MEGF9: variants seen among roughly 807,000 people sequenced by gnomAD.
The protein encoded by MEGF9 is multiple EGF like domains 9.
In MEGF9, 6 loss-of-function variants were observed where a neutral mutation model predicts 46.8. The observed-to-expected ratio is 0.13, with a 90% CI of 0.07 to 0.25. MEGF9 has a LOEUF of 0.25. MEGF9 is among the 10% of genes least tolerant of loss of function. The pLI is 1.00. For synonymous variants in MEGF9, 302 were observed against 330.7 expected, an observed-to-expected ratio of 0.91 and a Z score of 0.94; for missense variants, 683 against 792.4, an observed-to-expected ratio of 0.86 and a Z score of 1.66.
intron 2 of MEGF9, among the ~76,000 whole-genome samples, chr9:120,629,508 C>T (rs1438176977): frequency 6.6e-6 from 1 of 152,124 alleles, no homozygotes; most frequent in South Asian, 2.1e-4. Context: ...CATGGTGGCA[C>T]ACGGCTGTAA....
intron 2 of MEGF9, among the ~76,000 whole-genome samples, chr9:120,636,720 C>T (rs1276583877): frequency 2.0e-5 from 3 of 152,140 alleles, no homozygotes; most frequent in African/African-American, 4.8e-5. Context: ...TGCCCAGCCG[C>T]GACCCCGTCT....
intron 1 of MEGF9, among the ~76,000 whole-genome samples, chr9:120,666,884 C>G (rs2043727487): frequency 6.6e-6 from 1 of 151,848 alleles, no homozygotes; most frequent in African/African-American, 2.4e-5. Flanking sequence ...ATGAAAGGAG[C>G]CAGGGGAAGA....
At chr9:120,620,509 A>G (rs747598689) in intron 3 of MEGF9, among the ~76,000 whole-genome samples, 4 of 152,206 alleles carry the variant, frequency 2.6e-5, no homozygotes, top group African/African-American at 4.8e-5. Flanking sequence ...ATACAATTAC[A>G]AACTGTGAAA....
intron 1 of MEGF9, among the ~76,000 whole-genome samples, chr9:120,690,282 A>C (rs928650650): frequency 2.0e-5 from 3 of 152,178 alleles, no homozygotes; most frequent in Non-Finnish European, 2.9e-5. Context: ...TATTTTGTTG[A>C]CAAAACCAAA....
At chr9:120,687,310 T>C (rs989591698) in intron 1 of MEGF9, among the ~76,000 whole-genome samples, 1 of 152,204 alleles carries the variant, frequency 6.6e-6, no homozygotes, top group African/African-American at 2.4e-5. Context: ...CAGGCCCACC[T>C]GAGAACAACT....
chr9:120,653,419 T>C (rs1215952425), intron 2 of MEGF9, among the ~76,000 whole-genome samples: 1 of 151,702 alleles, frequency 6.6e-6, no homozygotes, highest in East Asian at 1.9e-4. Context: ...TTGCCCAGGC[T>C]GGAGTGTAAT....
intron 3 of MEGF9, among the ~76,000 whole-genome samples, chr9:120,618,237 C>G (rs966093407): frequency 6.6e-6 from 1 of 152,186 alleles, no homozygotes; most frequent in Non-Finnish European, 1.5e-5. Flanking sequence ...TTGACAAGCT[C>G]TGAGCCCTGA....
chr9:120,607,889 G>C lies in MEGF9; in HGVS notation c.1209C>G (p.His403Gln). ...FDSICRKCQC[H>Q]GHVDPVKTPK... ...GAGTTTTAACTGGGTCCACATGGCC[G>C]TGACATTGGCACTTTCTACAGATGC... The change falls in exon 5 of 6, where the codon CAC becomes CAG. Residue 403 changes from histidine to glutamine, a missense_variant. Coordinates refer to ENST00000373930, the MANE Select transcript of MEGF9 (RefSeq NM_001080497.3). 1 of 1,613,968 alleles carries C rather than the reference G, an allele frequency of 6.2e-7. No homozygotes were observed. The highest frequency in any genetic ancestry group is 8.5e-7 in the Non-Finnish European group (1 of 1,179,880).
intron 1 of MEGF9, among the ~76,000 whole-genome samples, chr9:120,660,258 A>C (rs2043696251): frequency 6.6e-6 from 1 of 151,936 alleles, no homozygotes; most frequent in African/African-American, 2.4e-5. Flanking sequence ...TTAATTTTTA[A>C]TTTTTGTGAG....
At chr9:120,679,406 T>A (rs537437734) in intron 1 of MEGF9, among the ~76,000 whole-genome samples, 1 of 145,516 alleles carries the variant, frequency 6.9e-6, no homozygotes, top group Non-Finnish European at 1.5e-5. Context: ...TTCTCACTCA[T>A]ATGTGGGAAT....
At chr9:120,694,435 T>C (rs2043865534) in intron 1 of MEGF9, among the ~76,000 whole-genome samples, 1 of 152,246 alleles carries the variant, frequency 6.6e-6, no homozygotes, top group Non-Finnish European at 1.5e-5. Flanking sequence ...GTTTTCAATA[T>C]GCAATAAAAA....
At chr9:120,646,491 T>C (rs2043626920) in intron 2 of MEGF9, among the ~76,000 whole-genome samples, 1 of 152,182 alleles carries the variant, frequency 6.6e-6, no homozygotes, top group African/African-American at 2.4e-5. Flanking sequence ...TGTAAAGTCC[T>C]TTCTCATCTT....
At chr9:120,645,641 A>C (rs563203336) in intron 2 of MEGF9, among the ~76,000 whole-genome samples, 1 of 152,332 alleles carries the variant, frequency 6.6e-6, no homozygotes, top group Admixed American at 6.5e-5. Context: ...ACTTGACTTT[A>C]TGCTATTTAG....
chr9:120,663,226 T>G (rs1222615711), intron 1 of MEGF9, among the ~76,000 whole-genome samples: 1 of 152,212 alleles, frequency 6.6e-6, no homozygotes, highest in Non-Finnish European at 1.5e-5. Context: ...AGCATGGGCA[T>G]CTTTTCTGTG....
chr9:120,655,794 G>A (rs2043673978), intron 2 of MEGF9, among the ~76,000 whole-genome samples: 2 of 152,094 alleles, frequency 1.3e-5, no homozygotes, highest in African/African-American at 4.8e-5. Context: ...CATTCCTAAG[G>A]TTAACAGTGG....
chr9:120,713,642 C>G (rs984402772), intron 1 of MEGF9, 116 bp downstream of exon 1: 115 of 1,227,324 alleles, frequency 9.4e-5, no homozygotes, highest in Non-Finnish European at 1.1e-4. Flanking sequence ...CCTCGGGAGC[C>G]GGAACCTGGG....
intron 1 of MEGF9, among the ~76,000 whole-genome samples, chr9:120,681,235 T>C (rs2043797552): frequency 6.6e-6 from 1 of 152,170 alleles, no homozygotes. Flanking sequence ...GGCTCTTTAG[T>C]CAGTAGGTGA....
At chr9:120,642,882 C>T (rs1200894646) in intron 2 of MEGF9, among the ~76,000 whole-genome samples, 1 of 152,192 alleles carries the variant, frequency 6.6e-6, no homozygotes, top group African/African-American at 2.4e-5. Context: ...GCCTATGTTC[C>T]TTCTGTAGTG....
chr9:120,659,637 G>T, intron 1 of MEGF9, 62 bp from the exon 2 acceptor site: 2 of 1,252,236 alleles, frequency 1.6e-6, no homozygotes, highest in South Asian at 2.9e-5. Context: ...TTAATAAAAT[G>T]AACTCTATTT....
Sources: gnomAD v4.1 joint callset for allele counts (sites outside exome capture counted in the v4.1 genomes callset) on GRCh38, gnomAD v4.1.1 for gene constraint, MANE v1.5 for transcripts, NCBI Gene and HGNC (gene_info 2026-07-23, HGNC 2026-07-21) for gene names.